CHL1: variants seen among roughly 807,000 people sequenced by gnomAD.
CHL1 encodes cell adhesion molecule L1 like.
A neutral mutation model predicts 141.9 loss-of-function variants in CHL1; 96 were observed. The ratio of observed to expected loss-of-function variants is 0.68; its 90% CI spans 0.57 to 0.80. CHL1 has a LOEUF of 0.80. Ranked by LOEUF, CHL1 falls within the 30% of genes least tolerant of loss-of-function variation. The probability of loss-of-function intolerance (pLI) is 0.00; values close to 1 mark genes in which losing one functional copy is unlikely to be tolerated. For synonymous variants in CHL1, 613 were observed against 502.2 expected, an observed-to-expected ratio of 1.22 and a Z score of -2.95; for missense variants, 1,820 against 1,457.2, an observed-to-expected ratio of 1.25 and a Z score of -4.05.
chr3:330,302 TA>T (rs1701335060), intron 5 of CHL1, among the ~76,000 whole-genome samples: 1 of 152,122 alleles, frequency 6.6e-6, no homozygotes, highest in South Asian at 2.1e-4. Context: ...GTGAAAACTC[TA>T]CATAACAAAA....
chr3:237,703 T>C (rs923240786), intron 1 of CHL1, among the ~76,000 whole-genome samples: 4 of 152,200 alleles, frequency 2.6e-5, no homozygotes, highest in African/African-American at 4.8e-5. Context: ...AAAATTAAAG[T>C]TAGTGGTACC....
intron 3 of CHL1, among the ~76,000 whole-genome samples, chr3:321,267 A>G (rs1700541588): frequency 6.6e-6 from 1 of 152,018 alleles, no homozygotes; most frequent in Non-Finnish European, 1.5e-5. Context: ...CTGTTTTGAC[A>G]TTTCCATTTC....
At chr3:266,507 C>A (rs1695166219) in intron 2 of CHL1, among the ~76,000 whole-genome samples, 1 of 152,134 alleles carries the variant, frequency 6.6e-6, no homozygotes, top group South Asian at 2.1e-4. Context: ...TGACTCCTTT[C>A]CTGAGGTACA....
chr3:395,374 T>C (rs969848323), intron 24 of CHL1, among the ~76,000 whole-genome samples: 13 of 152,234 alleles, frequency 8.5e-5, no homozygotes, highest in African/African-American at 3.1e-4. Context: ...GGGAAATGGC[T>C]TATAAATGTA....
intron 10 of CHL1, among the ~76,000 whole-genome samples, chr3:352,872 C>G (rs1000260784): frequency 1.3e-5 from 2 of 152,118 alleles, no homozygotes; most frequent in Non-Finnish European, 1.5e-5. Flanking sequence ...ATTGGGCTGG[C>G]CTTCTTTCCT....
chr3:235,028 A>T (rs542902804), intron 1 of CHL1, among the ~76,000 whole-genome samples: 2 of 141,444 alleles, frequency 1.4e-5, no homozygotes, highest in Non-Finnish European at 3.2e-5. Context: ...TTATACTTTA[A>T]GTTTTAGGGT....
intron 2 of CHL1, among the ~76,000 whole-genome samples, chr3:303,810 A>C (rs998917296): frequency 6.6e-6 from 1 of 152,184 alleles, no homozygotes; most frequent in Non-Finnish European, 1.5e-5. Flanking sequence ...GCTGGTTTTC[A>C]AAGGGAATGC....
intron 2 of CHL1, among the ~76,000 whole-genome samples, chr3:314,938 C>T (rs77659622): frequency 0.012 from 1,774 of 152,232 alleles, 33 homozygotes; most frequent in African/African-American, 0.04. Context: ...CAATCTACTA[C>T]ACTCTCACAC....
At chr3:274,373 A>G (rs1269346791) in intron 2 of CHL1, among the ~76,000 whole-genome samples, 1 of 152,208 alleles carries the variant, frequency 6.6e-6, no homozygotes, top group East Asian at 1.9e-4. Flanking sequence ...TTACTATTTT[A>G]ATAGGAATGT....
At chr3:229,000 C>T (rs571317015) in intron 1 of CHL1, among the ~76,000 whole-genome samples, 77 of 152,222 alleles carry the variant, frequency 5.1e-4, no homozygotes, top group African/African-American at 1.9e-3. Flanking sequence ...ATACATTGTG[C>T]AGCCTAATAG....
chr3:304,140 G>C (rs1699012049), intron 2 of CHL1, among the ~76,000 whole-genome samples: 1 of 152,126 alleles, frequency 6.6e-6, no homozygotes, highest in Admixed American at 6.5e-5. Flanking sequence ...GATTCCATTT[G>C]CTAGTATTTT....
At chr3:287,060 A>T (rs1031253240) in intron 2 of CHL1, among the ~76,000 whole-genome samples, 1 of 152,030 alleles carries the variant, frequency 6.6e-6, no homozygotes, top group African/African-American at 2.4e-5. Flanking sequence ...TAGAATACCC[A>T]TCCTTCTGGG....
chr3:331,690 T>C (rs183976501), intron 5 of CHL1, among the ~76,000 whole-genome samples: 2 of 152,326 alleles, frequency 1.3e-5, no homozygotes, highest in African/African-American at 4.8e-5. Flanking sequence ...ATAAAAATTA[T>C]TGATAATGCA....
chr3:275,766 T>C (rs548785895), intron 2 of CHL1, among the ~76,000 whole-genome samples: 43 of 152,172 alleles, frequency 2.8e-4, no homozygotes, highest in Non-Finnish European at 5.0e-4. Flanking sequence ...ACAAAGCCTA[T>C]TACTGTGTTC....
chr3:369,348 T>A (rs1705324676), intron 15 of CHL1, among the ~76,000 whole-genome samples: 1 of 152,168 alleles, frequency 6.6e-6, no homozygotes, highest in Non-Finnish European at 1.5e-5. Context: ...GGTATTTGAT[T>A]CTCTTTGTAG....
rs1698362140 is a variant in CHL1 at position 196,779 on chromosome 3, G to C, written c.-459G>C. On this transcript the variant is annotated 5_prime_UTR_variant, in exon 1 of 28. Coordinates refer to ENST00000256509, the MANE Select transcript of CHL1 (RefSeq NM_006614.4). ...GGTGGCGGCGCAGAACCCAGGAAGGGAGCAGAGGCGAGAGCCAGCCTCCGG... is the reference window on the plus strand; with the variant it reads ...GGTGGCGGCGCAGAACCCAGGAAGGCAGCAGAGGCGAGAGCCAGCCTCCGG... 6.6e-6 allele frequency: 1 copy of C among 152,452 alleles called. No individual in the cohort carries two copies. Among genetic ancestry groups the C allele is most frequent in the Non-Finnish European group, 1.5e-5 (1 of 68,248 alleles). 9.4% of individuals were successfully genotyped at this position (152,452 alleles called of 1,614,324 possible).
chr3:335,120 A>G (rs1043507018), intron 5 of CHL1, among the ~76,000 whole-genome samples: 4 of 152,198 alleles, frequency 2.6e-5, no homozygotes, highest in Admixed American at 6.5e-5. Context: ...CAATTTCCTT[A>G]AGATAAACCC....
At chr3:382,902 T>C (rs1431553971) in intron 18 of CHL1, among the ~76,000 whole-genome samples, 1 of 152,104 alleles carries the variant, frequency 6.6e-6, no homozygotes, top group African/African-American at 2.4e-5. Context: ...AAAAAAAACA[T>C]TACTTTCAGT....
At chr3:280,106 C>T (rs1696504946) in intron 2 of CHL1, among the ~76,000 whole-genome samples, 1 of 151,964 alleles carries the variant, frequency 6.6e-6, no homozygotes, top group African/African-American at 2.4e-5. Flanking sequence ...ATTTTGGAGG[C>T]ATGGATCTTC....
Sources: gnomAD v4.1 joint callset for allele counts (sites outside exome capture counted in the v4.1 genomes callset) on GRCh38, gnomAD v4.1.1 for gene constraint, MANE v1.5 for transcripts, NCBI Gene and HGNC (gene_info 2026-07-23, HGNC 2026-07-21) for gene names.